Variants in VAV2 observed in about 807,000 individuals in gnomAD.
VAV2 encodes vav guanine nucleotide exchange factor 2.
In VAV2, 67 loss-of-function variants were observed where a neutral mutation model predicts 132.5. That is an observed-to-expected ratio of 0.51 (90% CI 0.42 to 0.62). The LOEUF (loss-of-function observed/expected upper bound fraction) is 0.62. Among genes scored for constraint, VAV2 ranks in the 20% least tolerant of loss-of-function variants. The pLI is 0.00. For missense variants in VAV2, 938 were observed against 1,153.6 expected (o/e 0.81, Z 2.71); for synonymous variants, 492 against 443.5 (o/e 1.11, Z -1.37).
chr9:133,780,760 G>T (rs1588164745), intron 19 of VAV2, 50 bp from the exon 20 acceptor site: 1 of 1,260,274 alleles, frequency 7.9e-7, no homozygotes, highest in Non-Finnish European at 1.0e-6. Flanking sequence ...CGACGCCAAG[G>T]CCCCGTGCAG....
intron 1 of VAV2, among the ~76,000 whole-genome samples, chr9:133,987,146 G>A (rs906133555): frequency 1.4e-4 from 22 of 152,286 alleles, no homozygotes; most frequent in South Asian, 4.1e-4. Flanking sequence ...TGGAAGGGGG[G>A]CAGCCACACA....
In VAV2 at chr9:133,806,507, ACACCCCGGGACCCCCATCCC is replaced by A. The variant is rs376779104; in HGVS notation, c.736-346_736-327del. Among the ~76,000 whole-genome samples the A allele has an allele frequency of 1.9e-3, 286 of 152,218 alleles. 1 individual carries two copies. Among genetic ancestry groups the A allele is most frequent in the African/African-American group, 5.6e-3 (234 of 41,540 alleles). ...AGCGCAGTACTCCTGTGCTCAGGCCACACCCCGGGACCCCCATCCCCACCCCGGGACCCCCATCCCCGCCC... is the reference window on the plus strand; with the variant it reads ...AGCGCAGTACTCCTGTGCTCAGGCCACACCCCGGGACCCCCATCCCCGCCC... On this transcript the variant is annotated intron_variant, in intron 8 of 29. Coordinates refer to ENST00000371850, the MANE Select transcript of VAV2 (RefSeq NM_001134398.2).
intron 2 of VAV2, among the ~76,000 whole-genome samples, chr9:133,875,692 C>T (rs1160491178): frequency 6.6e-6 from 1 of 152,230 alleles, no homozygotes; most frequent in Non-Finnish European, 1.5e-5. Context: ...CAGGAACACA[C>T]GCGAGGCCCC....
At chr9:133,971,885 C>CA in intron 1 of VAV2, among the ~76,000 whole-genome samples, 1 of 152,130 alleles carries the variant, frequency 6.6e-6, no homozygotes, top group East Asian at 1.9e-4. Context: ...CCTCTGCAGG[C>CA]AAAAAAGGCC....
At chr9:133,872,572 G>A (rs1339576165) in intron 2 of VAV2, among the ~76,000 whole-genome samples, 4 of 152,224 alleles carry the variant, frequency 2.6e-5, no homozygotes. Flanking sequence ...AAAGCCTGGA[G>A]CAGAGGCAGG....
At chr9:133,807,886 C>A (rs1189780206) in intron 7 of VAV2, among the ~76,000 whole-genome samples, 1 of 152,212 alleles carries the variant, frequency 6.6e-6, no homozygotes, top group Non-Finnish European at 1.5e-5. Context: ...AGGCTGCTGA[C>A]CCTGCTCTGG....
At chr9:133,775,582 A>G (rs1159031492) in intron 24 of VAV2, among the ~76,000 whole-genome samples, 1 of 152,186 alleles carries the variant, frequency 6.6e-6, no homozygotes, top group East Asian at 1.9e-4. Flanking sequence ...TGAGAGGGCA[A>G]GGCAAGCTCT....
chr9:133,883,338 C>G lies in VAV2; in HGVS notation c.322-21906G>C, dbSNP rs1838574281. Among the ~76,000 whole-genome samples, 1 of 152,228 alleles carries G rather than the reference C, an allele frequency of 6.6e-6. No homozygotes were observed. The highest frequency in any genetic ancestry group is 6.5e-5 in the Admixed American group (1 of 15,288). On this transcript the variant is annotated intron_variant, in intron 2 of 29. Coordinates refer to ENST00000371850, the MANE Select transcript of VAV2 (RefSeq NM_001134398.2). The surrounding 1 kb of genome is among the most constrained non-coding windows in gnomAD (Gnocchi z 4.2). ...CGCAGAGACCCATCCGTTGAGACAG[C>G]CTCCCTGCCGGGGTGTGCCAAGTGA...
chr9:133,789,215 C>A (rs111638448), intron 14 of VAV2, 43 bp downstream of exon 14: 7 of 1,607,386 alleles, frequency 4.4e-6, no homozygotes, highest in African/African-American at 4.0e-5. Flanking sequence ...AGAGCCAGAC[C>A]CTGGCGGGAC....
chr9:133,909,665 T>C (rs1839806576), intron 2 of VAV2, among the ~76,000 whole-genome samples: 2 of 148,250 alleles, frequency 1.3e-5, no homozygotes, highest in South Asian at 4.3e-4. Flanking sequence ...ATGGTCCGAC[T>C]GGGCAAAGAG....
In VAV2 at chr9:133,780,681, T is replaced by C; in HGVS notation, c.1740+13A>G. The C allele has an allele frequency of 7.8e-7, 1 of 1,281,236 alleles. No individual in the cohort carries two copies. Among genetic ancestry groups the C allele is most frequent in the Non-Finnish European group, 9.9e-7 (1 of 1,006,452 alleles). The allele number at this position is 1,281,236 out of a possible 1,614,324, so 79.4% of individuals were successfully genotyped here. On this transcript the variant is annotated intron_variant, in intron 20 of 29. Coordinates refer to ENST00000371850, the MANE Select transcript of VAV2 (RefSeq NM_001134398.2). Reference sequence around the variant, plus strand: ...GGTGGGGCAGAGGGAGGGGAAACACTCTGGGGACTTACCAGATCTGCAGGA... The same window carrying C: ...GGTGGGGCAGAGGGAGGGGAAACACCCTGGGGACTTACCAGATCTGCAGGA...
intron 2 of VAV2, among the ~76,000 whole-genome samples, chr9:133,906,120 C>G (rs151035113): frequency 3.3e-3 from 505 of 152,302 alleles, no homozygotes; most frequent in African/African-American, 0.012. Flanking sequence ...CTGGAGGTAT[C>G]GGCAGTCCCC....
intron 3 of VAV2, among the ~76,000 whole-genome samples, chr9:133,845,592 G>A (rs967706711): frequency 1.2e-4 from 18 of 152,326 alleles, no homozygotes; most frequent in African/African-American, 3.8e-4. Flanking sequence ...AGGGTCAGCT[G>A]GGTGGCCGAG....
At chr9:133,981,749 C>T (rs1329170624) in intron 1 of VAV2, among the ~76,000 whole-genome samples, 2 of 152,192 alleles carry the variant, frequency 1.3e-5, no homozygotes, top group African/African-American at 2.4e-5. Context: ...GCCGCCCCTG[C>T]GGGCCACTCA....
At chr9:133,939,290 A>G (rs1564482696) in intron 1 of VAV2, 71 bp from the exon 2 acceptor site, 1 of 1,314,480 alleles carries the variant, frequency 7.6e-7, no homozygotes. Flanking sequence ...AAACCGTAAC[A>G]GCAACAGCAG....
chr9:133,979,094 T>C (rs563087609), intron 1 of VAV2, among the ~76,000 whole-genome samples: 1 of 152,296 alleles, frequency 6.6e-6, no homozygotes, highest in East Asian at 1.9e-4. Flanking sequence ...GGAGGGGCAC[T>C]GAGGCTTCGG....
chr9:133,791,128 C>G (rs73663838), intron 13 of VAV2, among the ~76,000 whole-genome samples: 1 of 152,200 alleles, frequency 6.6e-6, no homozygotes, highest in African/African-American at 2.4e-5. Flanking sequence ...AGGTTAGAAC[C>G]AGCAGATCCT....
intron 22 of VAV2, among the ~76,000 whole-genome samples, chr9:133,778,339 A>G (rs1833888234): frequency 6.6e-6 from 1 of 152,000 alleles, no homozygotes; most frequent in South Asian, 2.1e-4. Flanking sequence ...CCCCACGATC[A>G]TGCGAAGGTT....
chr9:133,927,760 C>A (rs1840531496), intron 2 of VAV2: 1 of 152,272 alleles, frequency 6.6e-6, no homozygotes, highest in South Asian at 2.1e-4. Context: ...CCCAACCTGG[C>A]ACCACATTTC....
Sources: gnomAD v4.1 joint callset for allele counts (sites outside exome capture counted in the v4.1 genomes callset) on GRCh38, gnomAD v4.1.1 for gene constraint, Gnocchi (gnomAD v3.1) non-coding constraint, MANE v1.5 for transcripts, NCBI Gene and HGNC (gene_info 2026-07-23, HGNC 2026-07-21) for gene names.